The following RAB31 variants were observed in gnomAD, a reference collection of about 807,000 sequenced individuals.
The protein encoded by RAB31 is RAB31, member RAS oncogene family.
Under a neutral mutation model 25.6 loss-of-function variants are expected in RAB31, and 21 were observed. The ratio of observed to expected loss-of-function variants is 0.82; its 90% CI spans 0.58 to 1.18. The LOEUF (loss-of-function observed/expected upper bound fraction) is 1.18. Among genes scored for constraint, RAB31 ranks in the 50% most tolerant of loss-of-function variants. The probability of loss-of-function intolerance (pLI) is 0.00; values close to 1 mark genes in which losing one functional copy is unlikely to be tolerated. For synonymous variants in RAB31, 87 were observed against 84.0 expected, an observed-to-expected ratio of 1.04 and a Z score of -0.20; for missense variants, 196 against 250.1, an observed-to-expected ratio of 0.78 and a Z score of 1.46.
At position 9,820,578 on chromosome 18, in the gene RAB31, G is replaced by A. The variant is rs77695904; in HGVS notation, c.380+5356G>A. Among the ~76,000 whole-genome samples, 250 of 152,136 alleles carry A rather than the reference G, an allele frequency of 1.6e-3. 4 individuals carry two copies. In the East Asian group the frequency reaches 0.03, roughly 19 times the overall value. On this transcript the variant is annotated intron_variant, in intron 5 of 6. Transcript: ENST00000578921. ...CTAGAAGAGTTTGTGAAGGATTGAT[G>A]TCATTTCTCTTTGTTTTTCTACATC...
rs576098027 is a variant in RAB31 at position 9,860,223 on chromosome 18, A to G, written c.*898A>G. Reference sequence around the variant, plus strand: ...GTGTCATATCTAGGGGAAGAGAATTAACTAGAATTAAATTTAATGTTTGAA... The same window carrying G: ...GTGTCATATCTAGGGGAAGAGAATTGACTAGAATTAAATTTAATGTTTGAA... On this transcript the variant is annotated 3_prime_UTR_variant, in exon 7 of 7. Transcript: ENST00000578921. 2 of 152,222 alleles carry G rather than the reference A, an allele frequency of 1.3e-5. No homozygotes were observed. The highest frequency in any genetic ancestry group is 2.9e-5 in the Non-Finnish European group (2 of 68,038). 9.4% of individuals were successfully genotyped at this position (152,222 alleles called of 1,614,324 possible).
At chr18:9,724,246 G>A (rs1255275586) in intron 1 of RAB31, among the ~76,000 whole-genome samples, 1 of 128,814 alleles carries the variant, frequency 7.8e-6, no homozygotes, top group African/African-American at 3.0e-5. Flanking sequence ...ACTCCAGCCT[G>A]GGCGACAGAG....
intron 5 of RAB31, among the ~76,000 whole-genome samples, chr18:9,834,024 A>G (rs2068692353): frequency 6.6e-6 from 1 of 152,204 alleles, no homozygotes. Flanking sequence ...CCAATTAATG[A>G]GATTTAAGGG....
chr18:9,765,489 T>A (rs1428143390), intron 1 of RAB31, among the ~76,000 whole-genome samples: 1 of 152,250 alleles, frequency 6.6e-6, no homozygotes, highest in Non-Finnish European at 1.5e-5. Context: ...TTGAGTTTGA[T>A]AATGTTTTCT....
intron 5 of RAB31, among the ~76,000 whole-genome samples, chr18:9,816,682 A>C (rs1036825296): frequency 2.0e-5 from 3 of 152,230 alleles, no homozygotes; most frequent in Non-Finnish European, 2.9e-5. Flanking sequence ...GATCCAGTAC[A>C]CATGAATTAG....
chr18:9,799,977 T>C (rs930529954), intron 3 of RAB31, among the ~76,000 whole-genome samples: 7 of 152,138 alleles, frequency 4.6e-5, no homozygotes, highest in East Asian at 3.9e-4. Context: ...AATGGGTTAT[T>C]GTGCTGGTTT....
intron 5 of RAB31, among the ~76,000 whole-genome samples, chr18:9,828,783 A>G (rs2068662765): frequency 6.6e-6 from 1 of 152,232 alleles, no homozygotes; most frequent in South Asian, 2.1e-4. Context: ...TAAAAATCCA[A>G]TTTATTCCAA....
chr18:9,814,987 G>C, intron 4 of RAB31, 129 bp from the exon 5 acceptor site: 1 of 617,008 alleles, frequency 1.6e-6, no homozygotes, highest in South Asian at 2.1e-5. Context: ...GACAGAGGTA[G>C]TATGTTAATC....
At chr18:9,845,717 GC>G (rs2143135857) in intron 6 of RAB31, 26 bp downstream of exon 6, 7 of 1,523,482 alleles carry the variant, frequency 4.6e-6, no homozygotes, top group Middle Eastern at 1.7e-4. Flanking sequence ...TGGGTTTTCA[GC>G]CCAACTTGCA....
chr18:9,737,526 T>C (rs1378389889), intron 1 of RAB31, among the ~76,000 whole-genome samples: 1 of 152,202 alleles, frequency 6.6e-6, no homozygotes, highest in Admixed American at 6.5e-5. Flanking sequence ...CTGCTTGGTG[T>C]TGGGCGGGGA....
At chr18:9,719,554 T>C (rs2068064065) in intron 1 of RAB31, among the ~76,000 whole-genome samples, 1 of 151,678 alleles carries the variant, frequency 6.6e-6, no homozygotes, top group Non-Finnish European at 1.5e-5. Context: ...CTGCTTGCCC[T>C]CCTTTTCTGT....
Position 9,752,237 on chromosome 18 carries a change from T to A in RAB31, c.40-23041T>A, listed in dbSNP as rs558642004. Among the ~76,000 whole-genome samples the A allele has an allele frequency of 2.4e-3, 362 of 152,288 alleles. 1 individual carries two copies. Among genetic ancestry groups the A allele is most frequent in the African/African-American group, 7.7e-3 (321 of 41,562 alleles). ...GCTTGGCTGTTTTATTTATTTATTT[T>A]TTTTTGAGATGGAGTCTTGCTCTGT... is the stretch of plus-strand genomic sequence containing the variant. On this transcript the variant is annotated intron_variant, in intron 1 of 6. Coordinates refer to ENST00000578921, the MANE Select transcript of RAB31 (RefSeq NM_006868.4).
At chr18:9,809,099 A>G (rs1046969463) in intron 3 of RAB31, among the ~76,000 whole-genome samples, 2 of 152,180 alleles carry the variant, frequency 1.3e-5, no homozygotes, top group African/African-American at 4.8e-5. Context: ...GCAGTACAGG[A>G]TGGGAAAACA....
intron 5 of RAB31, chr18:9,830,180 A>G (rs2068670407): frequency 6.6e-6 from 1 of 151,534 alleles, no homozygotes; most frequent in African/African-American, 2.4e-5. Flanking sequence ...TTTTTAAAAA[A>G]ATTTATGTGT....
rs141286656 is a variant in RAB31 at position 9,783,467 on chromosome 18, G to C, written c.119+8110G>C. 3.0e-4 allele frequency among the ~76,000 whole-genome samples: 46 copies of C among 152,216 alleles called. 1 individual carries two copies. The East Asian group carries it at 6.0e-3, about 20-fold the overall frequency. On this transcript the variant is annotated intron_variant, in intron 2 of 6. Coordinates refer to ENST00000578921, the MANE Select transcript of RAB31 (RefSeq NM_006868.4). ...ATGAACTTTGTTTTCTAACCCTGAG[G>C]AGAACTTTTTAAGGGTAGTAGGGTT...
intron 2 of RAB31, chr18:9,786,793 C>T (rs1021258751): frequency 6.6e-6 from 1 of 152,190 alleles, no homozygotes; most frequent in African/African-American, 2.4e-5. Flanking sequence ...TATATGCAAT[C>T]AAGGAATTAT....
At chr18:9,738,264 A>G (rs1023870) in intron 1 of RAB31, among the ~76,000 whole-genome samples, 142,483 of 152,234 alleles carry the variant, frequency 0.94, 66,767 homozygotes, top group African/African-American at 0.96. Flanking sequence ...TCTCTGGAGC[A>G]AAGAGTATTT....
chr18:9,757,704 G>A (rs2068267019), intron 1 of RAB31, among the ~76,000 whole-genome samples: 1 of 152,218 alleles, frequency 6.6e-6, no homozygotes. Context: ...ATGTATGTGT[G>A]TGTTCATGTG....
At chr18:9,776,438 AGAGTACTTGGCTGATAGGCCAGTAGTTG>A (rs896610977) in intron 2 of RAB31, among the ~76,000 whole-genome samples, 1 of 152,218 alleles carries the variant, frequency 6.6e-6, no homozygotes, top group Non-Finnish European at 1.5e-5. Context: ...TAGATGCTCA[AGAGTACTTGGCTGATAGGCCAGTAGTTG>A]GAACTGTGTA....
Sources: allele counts gnomAD v4.1 joint callset (sites outside exome capture counted in the v4.1 genomes callset), GRCh38; gene constraint gnomAD v4.1.1; transcripts MANE v1.5; gene names NCBI Gene and HGNC (gene_info 2026-07-23, HGNC 2026-07-21).